PTPN12: variants seen among roughly 807,000 people sequenced by gnomAD.
The protein encoded by PTPN12 is protein tyrosine phosphatase non-receptor type 12.
A neutral mutation model predicts 97.6 loss-of-function variants in PTPN12; 29 were observed. The ratio of observed to expected loss-of-function variants is 0.30; its 90% CI spans 0.22 to 0.41. The LOEUF is 0.41. Among genes scored for constraint, PTPN12 ranks in the 10% least tolerant of loss-of-function variants. PTPN12 has a pLI of 1.00. For synonymous variants in PTPN12, 327 were observed against 300.4 expected, an observed-to-expected ratio of 1.09 and a Z score of -0.91; for missense variants, 819 against 926.0, an observed-to-expected ratio of 0.88 and a Z score of 1.50.
intron 1 of PTPN12, among the ~76,000 whole-genome samples, chr7:77,563,578 G>C (rs142190344): frequency 6.6e-6 from 1 of 152,126 alleles, no homozygotes. Flanking sequence ...AGACAATTAG[G>C]GGAATAAGTG....
intron 4 of PTPN12, among the ~76,000 whole-genome samples, chr7:77,584,537 T>C (rs752117690): frequency 1.3e-5 from 2 of 152,198 alleles, no homozygotes; most frequent in South Asian, 2.1e-4. Context: ...TTTCATTATA[T>C]GTAAAATTTG....
intron 8 of PTPN12, chr7:77,604,920 G>A: frequency 7.1e-6 from 3 of 421,292 alleles, no homozygotes; most frequent in South Asian, 1.7e-5. Flanking sequence ...CTGATCTCTG[G>A]AGAATTCACT....
intron 5 of PTPN12, among the ~76,000 whole-genome samples, chr7:77,588,470 A>C (rs995256054): frequency 6.6e-6 from 1 of 152,210 alleles, no homozygotes; most frequent in Admixed American, 6.5e-5. Context: ...CAGAGTAGTA[A>C]CTTCAAACAT....
chr7:77,539,882 A>G (rs1314265509), intron 1 of PTPN12, among the ~76,000 whole-genome samples: 1 of 152,052 alleles, frequency 6.6e-6, no homozygotes, highest in Non-Finnish European at 1.5e-5. Flanking sequence ...GTTTCGCCAT[A>G]TTTGCAGGCT....
At chr7:77,570,294 T>G (rs749844841) in intron 1 of PTPN12, among the ~76,000 whole-genome samples, 26 of 152,232 alleles carry the variant, frequency 1.7e-4, no homozygotes, top group Non-Finnish European at 3.4e-4. Flanking sequence ...ATCAGATTTA[T>G]TTTTCATTTT....
intron 8 of PTPN12, among the ~76,000 whole-genome samples, chr7:77,603,038 T>C (rs1003197785): frequency 1.3e-5 from 2 of 152,218 alleles, no homozygotes; most frequent in Admixed American, 6.5e-5. Flanking sequence ...GGCTACTTTT[T>C]ATTCATGGGC....
At chr7:77,614,223 A>C (rs1788675211) in intron 11 of PTPN12, among the ~76,000 whole-genome samples, 1 of 152,166 alleles carries the variant, frequency 6.6e-6, no homozygotes, top group African/African-American at 2.4e-5. Context: ...ATATTTAAAT[A>C]ATCTCCAGAA....
chr7:77,546,283 C>A (rs915551938), intron 1 of PTPN12, among the ~76,000 whole-genome samples: 2 of 152,130 alleles, frequency 1.3e-5, no homozygotes, highest in Non-Finnish European at 2.9e-5. Flanking sequence ...TATTTTAGCA[C>A]AGTTAATCTT....
chr7:77,626,976 A>C lies in PTPN12; in HGVS notation c.1297A>C (p.Asn433His). Residue 433 changes from asparagine (N) to histidine (H), a missense_variant, in exon 13 of 18, where the codon AAT (asparagine) becomes CAT (histidine). Coordinates refer to ENST00000248594, the MANE Select transcript of PTPN12 (RefSeq NM_002835.4). ...IEQIDKKLER[N>H]LSFEIKKVPL... ...ACAGATAGATAAAAAATTGGAACGA[A>C]ATTTAAGTTTTGAGATTAAGAAGGT... 1 of 1,609,958 alleles carries C rather than the reference A, an allele frequency of 6.2e-7. No individual in the cohort carries two copies. The highest frequency in any genetic ancestry group is 8.5e-7 in the Non-Finnish European group (1 of 1,178,830).
intron 5 of PTPN12, 79 bp from the exon 6 acceptor site, chr7:77,592,106 C>A: frequency 8.0e-7 from 1 of 1,257,212 alleles, no homozygotes; most frequent in Non-Finnish European, 1.1e-6. Context: ...GTAAGCAGAA[C>A]CTCAGGACAC....
chr7:77,538,103 T>C (rs915290208), intron 1 of PTPN12: 11 of 990,324 alleles, frequency 1.1e-5, no homozygotes, highest in Non-Finnish European at 1.3e-5. Flanking sequence ...ACGGGGGTAT[T>C]GAGGTTGGCA....
At chr7:77,605,635 C>A (rs1317755006) in intron 8 of PTPN12, among the ~76,000 whole-genome samples, 1 of 151,592 alleles carries the variant, frequency 6.6e-6, no homozygotes, top group African/African-American at 2.4e-5. Context: ...CCACGTTGGC[C>A]AGGCTTGTCT....
At chr7:77,592,164 A>ATT (rs11394786) in intron 5 of PTPN12, 21 bp from the exon 6 acceptor site, 719 of 1,307,628 alleles carry the variant, frequency 5.5e-4, no homozygotes, top group African/African-American at 1.0e-3. Flanking sequence ...TTACTTACTA[A>ATT]TTTTTTTTTT....
chr7:77,545,548 T>C (rs1242949860), intron 1 of PTPN12, among the ~76,000 whole-genome samples: 3 of 152,002 alleles, frequency 2.0e-5, no homozygotes, highest in African/African-American at 4.8e-5. Context: ...TCTGTCTCTC[T>C]TTCCAGAGAG....
chr7:77,615,011 G>A (rs1386328371), intron 11 of PTPN12, among the ~76,000 whole-genome samples: 1 of 152,160 alleles, frequency 6.6e-6, no homozygotes, highest in Non-Finnish European at 1.5e-5. Flanking sequence ...TGGAGTGAGA[G>A]ATCTAAAGAG....
rs1378320676 is a variant in PTPN12, at chr7:77,611,190, C to T, written c.939+144C>T. 4.9e-6 allele frequency: 3 copies of T among 617,674 alleles called. No homozygotes were observed. In the East Asian group the frequency reaches 8.0e-5, roughly 16 times the overall value. The allele number at this position is 617,674 out of a possible 1,614,324, so 38.3% of individuals were successfully genotyped here. On this transcript the variant is annotated intron_variant, in intron 11 of 17. Coordinates refer to ENST00000248594, the MANE Select transcript of PTPN12 (RefSeq NM_002835.4). ...TAACATTTTTACTTAAACTCATTTCCTTCTTATTCGTATCTGTATTATGAT... is the reference window on the plus strand; with the variant it reads ...TAACATTTTTACTTAAACTCATTTCTTTCTTATTCGTATCTGTATTATGAT...
chr7:77,595,114 A>G (rs913169324), intron 6 of PTPN12, among the ~76,000 whole-genome samples: 4 of 152,218 alleles, frequency 2.6e-5, no homozygotes, highest in African/African-American at 9.7e-5. Context: ...GTCTCTAGAT[A>G]AGTGGTTTGG....
chr7:77,561,899 C>T, intron 1 of PTPN12, among the ~76,000 whole-genome samples: 1 of 151,842 alleles, frequency 6.6e-6, no homozygotes, highest in Non-Finnish European at 1.5e-5. Flanking sequence ...TCATGCCATT[C>T]TCCTGCCTCA....
At chr7:77,629,131 A>G (rs1392489394) in intron 13 of PTPN12, among the ~76,000 whole-genome samples, 1 of 151,776 alleles carries the variant, frequency 6.6e-6, no homozygotes, top group African/African-American at 2.4e-5. Context: ...TTGTATTTTT[A>G]GTAGAGACAG....
Sources: allele counts gnomAD v4.1 joint callset (sites outside exome capture counted in the v4.1 genomes callset), GRCh38; gene constraint gnomAD v4.1.1; transcripts MANE v1.5; gene names NCBI Gene and HGNC (gene_info 2026-07-23, HGNC 2026-07-21).